FAM222B: variants seen among roughly 807,000 people sequenced by gnomAD.
FAM222B encodes protein FAM222B.
FAM222B carries 12 observed loss-of-function variants against 38.0 expected under a neutral mutation model. The ratio of observed to expected loss-of-function variants is 0.32; its 90% CI spans 0.20 to 0.51. The LOEUF (loss-of-function observed/expected upper bound fraction) is 0.51. Among genes scored for constraint, FAM222B ranks in the 20% least tolerant of loss-of-function variants. The pLI, the probability that FAM222B is intolerant of heterozygous loss-of-function variation, is 0.97. For synonymous variants in FAM222B, 329 were observed against 317.2 expected (o/e 1.04, Z -0.40); for missense variants, 716 against 754.2 (o/e 0.95, Z 0.59).
chr17:28,804,572 G>A lies in FAM222B; in HGVS notation c.-40-37865C>T, dbSNP rs375356634. On this transcript the variant is annotated intron_variant, in intron 1 of 2. Transcript: ENST00000581407. ...GATGGCCTTGATCTCTTGACCTTGT[G>A]ATCCACACACCTCGGCCTCCCAAAG... Among the ~76,000 whole-genome samples the A allele has an allele frequency of 5.3e-4, 81 of 151,962 alleles. 1 individual carries two copies. The highest frequency in any genetic ancestry group is 1.8e-3 in the African/African-American group (76 of 41,458).
chr17:28,760,010 CT>C (rs2034995622), intron 2 of FAM222B, 134 bp from the exon 3 acceptor site: 7 of 872,422 alleles, frequency 8.0e-6, no homozygotes, highest in Non-Finnish European at 1.2e-5. Context: ...CATCTGTAGC[CT>C]TCATTCGAGA....
chr17:28,841,365 T>G (rs1220613515), intron 1 of FAM222B, among the ~76,000 whole-genome samples: 2 of 152,200 alleles, frequency 1.3e-5, no homozygotes, highest in African/African-American at 2.4e-5. Context: ...CCAGCTTGTC[T>G]CAAACTAGTT....
At chr17:28,781,924 A>G (rs1361420144) in intron 1 of FAM222B, among the ~76,000 whole-genome samples, 1 of 152,170 alleles carries the variant, frequency 6.6e-6, no homozygotes, top group Non-Finnish European at 1.5e-5. Context: ...AGTTCAAGAG[A>G]TCTACTGTAC....
intron 1 of FAM222B, among the ~76,000 whole-genome samples, chr17:28,800,117 C>T (rs373261097): frequency 1.3e-5 from 2 of 151,922 alleles, no homozygotes; most frequent in East Asian, 1.9e-4. Flanking sequence ...CAGCAACCTC[C>T]GCCTCCCGCG....
At chr17:28,849,554 C>G (rs2039167937) in intron 1 of FAM222B, 1 of 152,354 alleles carries the variant, frequency 6.6e-6, no homozygotes, top group East Asian at 1.9e-4. Flanking sequence ...GTGTTTTCTT[C>G]CAAGAAGCTG....
At chr17:28,812,364 GGCTGCTCCGGGTGCCAGGCTCACGGAGC>G (rs2037816961) in intron 1 of FAM222B, 1 of 152,256 alleles carries the variant, frequency 6.6e-6, no homozygotes, top group Non-Finnish European at 1.5e-5. Flanking sequence ...AGGGGGAGGC[GGCTGCTCCGGGTGCCAGGCTCACGGAGC>G]GCAGGACTCC....
At position 28,759,447 on chromosome 17, in the gene FAM222B, G is replaced by A. The variant is rs150994811; in HGVS notation, c.512C>T (p.Thr171Met). The A allele has an allele frequency of 3.3e-5, 52 of 1,573,096 alleles. No homozygotes were observed. The highest frequency in any genetic ancestry group is 3.1e-4 in the African/African-American group (23 of 74,100). ...AQTLAHAPPQ[T>M]LQHPQGIPPP... ...CGGGATACCCTGAGGGTGCTGCAGC[G>A]TCTGGGGAGGGGCATGGGCCAGGGT... The change falls in exon 3 of 3, where the codon ACG becomes ATG. Residue 171 changes from threonine (T) to methionine (M), a missense_variant. Coordinates refer to ENST00000581407, the MANE Select transcript of FAM222B (RefSeq NM_001077498.3). This position sits in a 1 kb window ranked among gnomAD's most constrained non-coding sequence, Gnocchi z 4.8.
intron 1 of FAM222B, among the ~76,000 whole-genome samples, chr17:28,791,605 G>T (rs992519561): frequency 6.6e-6 from 1 of 151,024 alleles, no homozygotes; most frequent in Non-Finnish European, 1.5e-5. Context: ...CCTAAGCCAG[G>T]TGCAGTGGCT....
intron 1 of FAM222B, among the ~76,000 whole-genome samples, chr17:28,776,729 A>C (rs2035916708): frequency 6.6e-6 from 1 of 152,010 alleles, no homozygotes; most frequent in Admixed American, 6.6e-5. Context: ...AAGTGCTGAG[A>C]TTACAGGTAT....
chr17:28,784,464 G>C (rs963226158), intron 1 of FAM222B, among the ~76,000 whole-genome samples: 4 of 108,990 alleles, frequency 3.7e-5, no homozygotes, highest in Non-Finnish European at 7.0e-5. Flanking sequence ...TCCAGCCTGG[G>C]CAACAACAGA....
chr17:28,758,393 T>C lies in FAM222B; in HGVS notation c.1566A>G (p.Gln522=), dbSNP rs368488159. The C allele has an allele frequency of 5.0e-6, 8 of 1,613,654 alleles. No individual in the cohort carries two copies. Among genetic ancestry groups the C allele is most frequent in the East Asian group, 2.2e-5 (1 of 44,868 alleles). The change falls in exon 3 of 3, where the codon CAA becomes CAG. Residue 522 remains glutamine (Q), a synonymous_variant. Transcript: ENST00000581407. The part of the protein sequence containing the change: ...QTVDYLSGDF[Q]QACFREQSLA... Reference sequence around the variant, plus strand: ...GGCTCTGTTCTCGGAAGCAGGCCTGTTGGAAATCCCCACTTAGGTAATCCA... The same window carrying C: ...GGCTCTGTTCTCGGAAGCAGGCCTGCTGGAAATCCCCACTTAGGTAATCCA...
At chr17:28,823,844 A>C (rs2038346395) in intron 1 of FAM222B, among the ~76,000 whole-genome samples, 1 of 151,492 alleles carries the variant, frequency 6.6e-6, no homozygotes, top group African/African-American at 2.4e-5. Flanking sequence ...ATACCTAACA[A>C]GTATCTCAAA....
intron 1 of FAM222B, among the ~76,000 whole-genome samples, chr17:28,805,486 G>A (rs891228982): frequency 6.6e-6 from 1 of 152,016 alleles, no homozygotes; most frequent in Non-Finnish European, 1.5e-5. Flanking sequence ...AGTGAGCCGA[G>A]ATCATGCCAC....
chr17:28,852,324 C>G (rs1415528372), intron 1 of FAM222B, among the ~76,000 whole-genome samples: 1 of 151,856 alleles, frequency 6.6e-6, no homozygotes, highest in Admixed American at 6.6e-5. Context: ...CCACTGCACT[C>G]CAGCCTGGGC....
chr17:28,778,188 T>G (rs2035981408), intron 1 of FAM222B, among the ~76,000 whole-genome samples: 2 of 151,996 alleles, frequency 1.3e-5, no homozygotes, highest in South Asian at 4.2e-4. Context: ...CCTATCAACC[T>G]GTCATCTAGG....
chr17:28,790,016 G>T (rs1212251401), intron 1 of FAM222B, among the ~76,000 whole-genome samples: 1 of 152,104 alleles, frequency 6.6e-6, no homozygotes, highest in Non-Finnish European at 1.5e-5. Flanking sequence ...GTATTTATCT[G>T]TCAACCTATT....
chr17:28,768,950 A>G (rs897742739), intron 1 of FAM222B, among the ~76,000 whole-genome samples: 4 of 151,996 alleles, frequency 2.6e-5, no homozygotes, highest in Non-Finnish European at 5.9e-5. Flanking sequence ...ACTCCAAGGA[A>G]AGGAAGAGAA....
intron 1 of FAM222B, among the ~76,000 whole-genome samples, chr17:28,824,711 G>A (rs2038375830): frequency 6.6e-6 from 1 of 152,100 alleles, no homozygotes; most frequent in Non-Finnish European, 1.5e-5. Flanking sequence ...CCCAGTCCAA[G>A]TTACCATAAA....
chr17:28,767,440 G>A (rs2035396004), intron 1 of FAM222B, among the ~76,000 whole-genome samples: 1 of 151,948 alleles, frequency 6.6e-6, no homozygotes, highest in African/African-American at 2.4e-5. Context: ...TTACAGGTGT[G>A]AGCCACTGCA....
Sources: gnomAD v4.1 joint callset for allele counts (sites outside exome capture counted in the v4.1 genomes callset) on GRCh38, gnomAD v4.1.1 for gene constraint, Gnocchi (gnomAD v3.1) non-coding constraint, MANE v1.5 for transcripts, NCBI Gene and HGNC (gene_info 2026-07-23, HGNC 2026-07-21) for gene names.